BMERB1: variants seen among roughly 807,000 people sequenced by gnomAD.
BMERB1 encodes the protein bMERB domain containing 1.
In BMERB1, 12 loss-of-function variants were observed where a neutral mutation model predicts 23.6. The observed-to-expected ratio is 0.51, with a 90% CI of 0.33 to 0.82. The LOEUF (loss-of-function observed/expected upper bound fraction) is 0.82. BMERB1 is among the 40% of genes least tolerant of loss of function. BMERB1 has a pLI of 0.03. For synonymous variants in BMERB1, 122 were observed against 96.6 expected (o/e 1.26, Z -1.54); for missense variants, 247 against 255.4 (o/e 0.97, Z 0.22).
chr16:15,475,758 G>A (rs1040192238), intron 1 of BMERB1, among the ~76,000 whole-genome samples: 1 of 152,160 alleles, frequency 6.6e-6, no homozygotes, highest in African/African-American at 2.4e-5. Context: ...ACCCCAGCAG[G>A]GGAATCAGAC....
chr16:15,564,801 T>C lies in BMERB1; in HGVS notation c.231-3182T>C, dbSNP rs191727118. Among the ~76,000 whole-genome samples, 607 of 152,338 alleles carry C rather than the reference T, an allele frequency of 4.0e-3. 6 individuals are homozygous for C. The highest frequency in any genetic ancestry group is 0.014 in the African/African-American group (583 of 41,586). On this transcript the variant is annotated intron_variant, in intron 2 of 5. Transcript: ENST00000300006. ...AACCTAATCAGATGGTTAGAGATGC[T>C]GGCAGTTTAGGACCTGCTGCCATAA...
intron 1 of BMERB1, among the ~76,000 whole-genome samples, chr16:15,510,144 G>T (rs116297473): frequency 0.015 from 2,225 of 152,226 alleles, 60 homozygotes; most frequent in African/African-American, 0.052. Context: ...CAACACCTTG[G>T]TTTCCGACTT....
chr16:15,494,797 A>C (rs999042045), intron 1 of BMERB1, among the ~76,000 whole-genome samples: 4 of 152,114 alleles, frequency 2.6e-5, no homozygotes, highest in African/African-American at 9.7e-5. Context: ...CTTATTCCAG[A>C]AAGGACTTAA....
At chr16:15,440,930 T>C (rs1260704844) in intron 1 of BMERB1, among the ~76,000 whole-genome samples, 1 of 152,098 alleles carries the variant, frequency 6.6e-6, no homozygotes, top group East Asian at 1.9e-4. Flanking sequence ...TACTTTTCAT[T>C]TGGTGTTCAG....
intron 1 of BMERB1, among the ~76,000 whole-genome samples, chr16:15,465,556 T>C (rs1378347025): frequency 6.6e-6 from 1 of 152,130 alleles, no homozygotes; most frequent in African/African-American, 2.4e-5. Context: ...TTTCACCACG[T>C]TGGCCAGGCT....
intron 1 of BMERB1, among the ~76,000 whole-genome samples, chr16:15,451,733 ATTTTTTTT>A (rs71152429): frequency 1.8e-4 from 14 of 77,402 alleles, no homozygotes; most frequent in South Asian, 8.4e-4. Context: ...TAGCTAACTA[ATTTTTTTT>A]TTTTTTTTTT....
At chr16:15,535,868 A>C (rs2052020042) in intron 2 of BMERB1, among the ~76,000 whole-genome samples, 1 of 152,072 alleles carries the variant, frequency 6.6e-6, no homozygotes, top group Non-Finnish European at 1.5e-5. Context: ...GGAAGCAGGC[A>C]CCTTCTTCAC....
chr16:15,583,541 G>A (rs2031068234), intron 5 of BMERB1, among the ~76,000 whole-genome samples: 1 of 141,868 alleles, frequency 7.0e-6, no homozygotes, highest in Admixed American at 7.4e-5. Context: ...TTGGGCCACT[G>A]CACTCCAGCC....
chr16:15,490,808 A>T (rs2051413418), intron 1 of BMERB1, among the ~76,000 whole-genome samples: 1 of 152,222 alleles, frequency 6.6e-6, no homozygotes, highest in South Asian at 2.1e-4. Flanking sequence ...GCATAAGTGC[A>T]GTAGTGTATT....
chr16:15,477,692 G>T (rs2051285658), intron 1 of BMERB1, among the ~76,000 whole-genome samples: 1 of 151,176 alleles, frequency 6.6e-6, no homozygotes, highest in Non-Finnish European at 1.5e-5. Flanking sequence ...TGATTCAGGG[G>T]AACTGGCTTT....
chr16:15,474,937 T>C (rs965006676), intron 1 of BMERB1, among the ~76,000 whole-genome samples: 5 of 152,092 alleles, frequency 3.3e-5, no homozygotes, highest in Non-Finnish European at 4.4e-5. Flanking sequence ...ATCTACCCGC[T>C]TGGCCTCCCA....
intron 1 of BMERB1, among the ~76,000 whole-genome samples, chr16:15,489,432 A>G (rs1267090486): frequency 6.6e-6 from 1 of 152,108 alleles, no homozygotes; most frequent in Non-Finnish European, 1.5e-5. Flanking sequence ...CCCATTGGCA[A>G]AATTCCCCTC....
At chr16:15,572,676 TG>T (rs1454517449) in intron 3 of BMERB1, among the ~76,000 whole-genome samples, 1 of 152,192 alleles carries the variant, frequency 6.6e-6, no homozygotes, top group Non-Finnish European at 1.5e-5. Context: ...CCAATGCAAT[TG>T]ATCTGGCATT....
chr16:15,520,981 C>T (rs988461474), intron 2 of BMERB1, among the ~76,000 whole-genome samples: 2 of 151,898 alleles, frequency 1.3e-5, no homozygotes, highest in African/African-American at 2.4e-5. Flanking sequence ...ATGATTGCTT[C>T]CTTGCTCCTC....
intron 2 of BMERB1, among the ~76,000 whole-genome samples, chr16:15,564,595 C>G (rs1289664799): frequency 6.6e-6 from 1 of 152,210 alleles, no homozygotes; most frequent in African/African-American, 2.4e-5. Flanking sequence ...AGCAGGTTTC[C>G]ACATCCAGAT....
intron 2 of BMERB1, among the ~76,000 whole-genome samples, chr16:15,547,536 G>A (rs1174316901): frequency 6.8e-6 from 1 of 147,314 alleles, no homozygotes; most frequent in East Asian, 2.0e-4. Context: ...AGGTGAGACG[G>A]GGTTTCACCA....
chr16:15,514,818 C>T (rs1010414884), intron 1 of BMERB1, among the ~76,000 whole-genome samples: 3 of 151,988 alleles, frequency 2.0e-5, no homozygotes, highest in African/African-American at 7.2e-5. Context: ...CAGTGGCTCA[C>T]GCCTGTAATC....
intron 1 of BMERB1, among the ~76,000 whole-genome samples, chr16:15,495,473 C>A (rs886471093): frequency 6.6e-6 from 1 of 152,170 alleles, no homozygotes. Flanking sequence ...TCACACCATT[C>A]TCCTGCCTCA....
chr16:15,512,337 C>G (rs2051678688), intron 1 of BMERB1, among the ~76,000 whole-genome samples: 1 of 152,156 alleles, frequency 6.6e-6, no homozygotes, highest in African/African-American at 2.4e-5. Context: ...GAGATCCAAG[C>G]AGGTAGGGAC....
Sources: gnomAD v4.1 joint callset for allele counts (sites outside exome capture counted in the v4.1 genomes callset) on GRCh38, gnomAD v4.1.1 for gene constraint, MANE v1.5 for transcripts, NCBI Gene and HGNC (gene_info 2026-07-23, HGNC 2026-07-21) for gene names.